The following PCDH15 variants were observed in gnomAD, a reference collection of about 807,000 sequenced individuals.
PCDH15 encodes the protein protocadherin-15.
PCDH15 carries 129 observed loss-of-function variants against 178.5 expected under a neutral mutation model. That is an observed-to-expected ratio of 0.72 (90% CI 0.63 to 0.84). The LOEUF (loss-of-function observed/expected upper bound fraction) is 0.84. Among genes scored for constraint, PCDH15 ranks in the 40% least tolerant of loss-of-function variants. PCDH15 has a pLI of 0.00. For synonymous variants in PCDH15, 800 were observed against 732.0 expected (o/e 1.09, Z -1.50); for missense variants, 2,230 against 2,099.9 (o/e 1.06, Z -1.21).
intron 2 of PCDH15, among the ~76,000 whole-genome samples, chr10:54,657,907 A>T (rs1240784825): frequency 6.6e-6 from 1 of 152,198 alleles, no homozygotes; most frequent in Admixed American, 6.5e-5. Context: ...ACAGAGTGCA[A>T]GGAATTTCAA....
At chr10:55,500,694 C>T (rs993165152) in intron 2 of PCDH15, among the ~76,000 whole-genome samples, 4 of 151,798 alleles carry the variant, frequency 2.6e-5, no homozygotes, top group African/African-American at 7.3e-5. Flanking sequence ...TCTGTGTCTA[C>T]ACTACCTAAT....
At chr10:54,189,896 A>G (rs2048809024) in intron 11 of PCDH15, among the ~76,000 whole-genome samples, 1 of 148,606 alleles carries the variant, frequency 6.7e-6, no homozygotes, top group Non-Finnish European at 1.5e-5. Flanking sequence ...ATAAACTGAT[A>G]TGGTTCATAT....
intron 1 of PCDH15, among the ~76,000 whole-genome samples, chr10:55,235,340 T>C (rs1841347810): frequency 6.6e-6 from 1 of 152,094 alleles, no homozygotes; most frequent in Non-Finnish European, 1.5e-5. Flanking sequence ...CATTCGTAAC[T>C]TAGTCCTTTG....
rs575253810 is a variant in PCDH15, at chr10:55,110,501, C to A, written c.-80+56075G>T. The stretch of plus-strand genomic sequence containing the variant: ...TAAGGTCTTCAAACTTTGCTTGCAA[C>A]CAGTTCTAATTCCATAACAATCAGA... On this transcript the variant is annotated intron_variant, in intron 2 of 5. Coordinates refer to the PCDH15 transcript ENST00000458638. Among the ~76,000 whole-genome samples the A allele has an allele frequency of 7.7e-4, 117 of 152,202 alleles. 2 individuals are homozygous for A. The highest frequency in any genetic ancestry group is 7.6e-3 in the Admixed American group (116 of 15,272).
intron 10 of PCDH15, among the ~76,000 whole-genome samples, chr10:54,198,195 T>C (rs1388520224): frequency 6.6e-6 from 1 of 152,134 alleles, no homozygotes; most frequent in East Asian, 1.9e-4. Context: ...CAGTTGTGAT[T>C]AATTTGTGCC....
chr10:54,097,400 C>T (rs1224248730), intron 15 of PCDH15, among the ~76,000 whole-genome samples: 1 of 152,132 alleles, frequency 6.6e-6, no homozygotes, highest in Non-Finnish European at 1.5e-5. Flanking sequence ...AAATACTTTT[C>T]CTCAGATACA....
At chr10:54,198,495 C>CTTTTTTTG (rs2049901352) in intron 10 of PCDH15, among the ~76,000 whole-genome samples, 1 of 31,172 alleles carries the variant, frequency 3.2e-5, no homozygotes, top group African/African-American at 3.0e-4. Context: ...TCTAATTATT[C>CTTTTTTTG]TTTTTTTTTT....
chr10:54,189,280 T>C (rs1172325036), intron 11 of PCDH15: 7 of 1,126,708 alleles, frequency 6.2e-6, no homozygotes, highest in Non-Finnish European at 7.8e-6. Context: ...TACCTACGTG[T>C]TTTAGTGAAG....
rs529294284 is a variant in PCDH15, at chr10:55,498,142, A to G, written c.-156+129483T>C. ...ATTATCTCCACCAAAATGTTTCTAA[A>G]CATCTTTAAGAAGGTTGAGTTATTA... is the stretch of plus-strand genomic sequence containing the variant. On this transcript the variant is annotated intron_variant, in intron 2 of 5. Transcript: ENST00000613346. Among the ~76,000 whole-genome samples, 46 of 151,972 alleles carry G rather than the reference A, an allele frequency of 3.0e-4. No individual in the cohort carries two copies. The South Asian group carries it at 9.3e-3, about 31-fold the overall frequency.
intron 2 of PCDH15, chr10:54,600,257 G>A (rs2092461691): frequency 1.8e-6 from 1 of 555,502 alleles, no homozygotes; most frequent in South Asian, 1.7e-5. Flanking sequence ...AGGAGAAAGA[G>A]GAGAAAGTGG....
chr10:54,927,094 C>T (rs1837649814), intron 2 of PCDH15, among the ~76,000 whole-genome samples: 1 of 151,994 alleles, frequency 6.6e-6, no homozygotes, highest in South Asian at 2.1e-4. Context: ...AAATTTCCCT[C>T]TTAACACTGC....
At chr10:53,814,997 C>T (rs1437447280) in intron 35 of PCDH15, among the ~76,000 whole-genome samples, 3 of 151,010 alleles carry the variant, frequency 2.0e-5, no homozygotes, top group African/African-American at 7.3e-5. Context: ...TAAGGAACTG[C>T]TGACCAGTCA....
At chr10:54,126,351 A>T (rs1458137892) in intron 15 of PCDH15, among the ~76,000 whole-genome samples, 3 of 151,864 alleles carry the variant, frequency 2.0e-5, no homozygotes, top group Non-Finnish European at 4.4e-5. Flanking sequence ...TCTACATTTC[A>T]AACTCTTTGC....
chr10:54,972,831 A>G (rs2131895564), intron 2 of PCDH15, among the ~76,000 whole-genome samples: 1 of 139,058 alleles, frequency 7.2e-6, no homozygotes, highest in South Asian at 2.4e-4. Context: ...CCTAGGCAAC[A>G]GAGTGAGACT....
At chr10:54,427,440 G>A (rs946390484) in intron 3 of PCDH15, among the ~76,000 whole-genome samples, 10 of 151,258 alleles carry the variant, frequency 6.6e-5, no homozygotes, top group African/African-American at 1.2e-4. Context: ...CATCACATCC[G>A]GCTAACTTTG....
intron 9 of PCDH15, among the ~76,000 whole-genome samples, chr10:54,216,000 AC>A (rs1253497478): frequency 1.2e-5 from 1 of 82,386 alleles, no homozygotes; most frequent in Non-Finnish European, 3.1e-5. Context: ...CTGAGATCGT[AC>A]CACTGCACTA....
intron 2 of PCDH15, among the ~76,000 whole-genome samples, chr10:54,948,240 G>T (rs1177532756): frequency 1.3e-5 from 2 of 151,896 alleles, no homozygotes; most frequent in Non-Finnish European, 2.9e-5. Context: ...TAAGGCTTGA[G>T]ACCTAAAAAG....
At chr10:55,463,181 A>G (rs979065803) in intron 2 of PCDH15, among the ~76,000 whole-genome samples, 2 of 152,080 alleles carry the variant, frequency 1.3e-5, no homozygotes, top group Admixed American at 1.3e-4. Flanking sequence ...TAATAATTTC[A>G]GACTGAATGG....
intron 2 of PCDH15, among the ~76,000 whole-genome samples, chr10:54,609,977 T>C (rs1053219524): frequency 6.6e-6 from 1 of 151,996 alleles, no homozygotes; most frequent in Non-Finnish European, 1.5e-5. Context: ...TTAAATTCAT[T>C]TGTATTTCTT....
Sources: gnomAD v4.1 joint callset for allele counts (sites outside exome capture counted in the v4.1 genomes callset) on GRCh38, gnomAD v4.1.1 for gene constraint, MANE v1.5 for transcripts, NCBI Gene and HGNC (gene_info 2026-07-23, HGNC 2026-07-21) for gene names.